BRIP1: variants seen among roughly 807,000 people sequenced by gnomAD.
BRIP1 encodes BRCA1 interacting DNA helicase 1.
A neutral mutation model predicts 119.7 loss-of-function variants in BRIP1; 88 were observed. That is an observed-to-expected ratio of 0.74 (90% confidence interval 0.62 to 0.88). The LOEUF is 0.88. Ranked by LOEUF, BRIP1 falls within the 40% of genes least tolerant of loss-of-function variation. The pLI, the probability that BRIP1 is intolerant of heterozygous loss-of-function variation, is 0.00. For synonymous variants in BRIP1, 443 were observed against 496.5 expected, an observed-to-expected ratio of 0.89 and a Z score of 1.43; for missense variants, 1,259 against 1,455.4, an observed-to-expected ratio of 0.87 and a Z score of 2.20.
In BRIP1 at chr17:61,765,382, TATATATATATATATATATATATATA is replaced by T. The variant is rs2077342082; in HGVS notation, c.2097+10994_2097+11018del. ...TGTGTGTGTGTGTGTGTATATATTA[TATATATATATATATATATATATATA>T]TATATATATATATATATTTTTTTTT... On this transcript the variant is annotated intron_variant, in intron 14 of 19. Coordinates refer to ENST00000259008, the MANE Select transcript of BRIP1 (RefSeq NM_032043.3). Among the ~76,000 whole-genome samples the T allele has an allele frequency of 1.1e-3, 20 of 18,324 alleles. 1 individual carries two copies. The South Asian group carries it at 0.013, about 12-fold the overall frequency. 12.0% of individuals were successfully genotyped at this position (18,324 alleles called of 152,430 possible). A position where few individuals can be genotyped will look rare whatever the true frequency, so the allele number is the denominator to read the frequency against.
Position 61,701,633 on chromosome 17 carries a change from C to T in BRIP1, c.2493-8121G>A, listed in dbSNP as rs1385339230. On this transcript the variant is annotated intron_variant, in intron 17 of 19. Coordinates refer to ENST00000259008, the MANE Select transcript of BRIP1 (RefSeq NM_032043.3). This position sits in a 1 kb window ranked among gnomAD's most constrained non-coding sequence, Gnocchi z 5.1. ...CTCTCCTACACATATGCATGGCCCA[C>T]TAAAATCCCAGGAATATGTCAGAAC... is the stretch of plus-strand genomic sequence containing the variant. 1.3e-5 allele frequency among the ~76,000 whole-genome samples: 2 copies of T among 152,220 alleles called. No homozygotes were observed. The highest frequency in any genetic ancestry group is 2.9e-5 in the Non-Finnish European group (2 of 68,034).
At position 61,693,686 on chromosome 17, in the gene BRIP1, T is replaced by A. The variant is rs1195073494; in HGVS notation, c.2493-174A>T. On this transcript the variant is annotated intron_variant, in intron 17 of 19. Coordinates refer to ENST00000259008, the MANE Select transcript of BRIP1 (RefSeq NM_032043.3). The surrounding 1 kb of genome is among the most constrained non-coding windows in gnomAD (Gnocchi z 4.2). ...AACACAATGTAACAAACTAGATGTA[T>A]TAAAAATTCCCTACTTTTTCCAAAT... 6.6e-6 allele frequency among the ~76,000 whole-genome samples: 1 copy of A among 152,186 alleles called. No individual in the cohort carries two copies. Among genetic ancestry groups the A allele is most frequent in the African/African-American group, 2.4e-5 (1 of 41,466 alleles).
chr17:61,827,096 A>AG lies in BRIP1; in HGVS notation c.628-18340_628-18339insC, dbSNP rs2078420987. ...CTGTGGAATACTATGTAGCCATAAA[A>AG]AAAATGAGACTGTGTCCTTTACAGA... On this transcript the variant is annotated intron_variant, in intron 6 of 19. Coordinates refer to ENST00000259008, the MANE Select transcript of BRIP1 (RefSeq NM_032043.3). This position sits in a 1 kb window ranked among gnomAD's most constrained non-coding sequence, Gnocchi z 5.8. Among the ~76,000 whole-genome samples the AG allele has an allele frequency of 6.6e-6, 1 of 151,780 alleles. No individual in the cohort carries two copies. The highest frequency in any genetic ancestry group is 2.4e-5 in the African/African-American group (1 of 41,284).
At position 61,852,022 on chromosome 17, in the gene BRIP1, G is replaced by A. The variant is rs1292520732; in HGVS notation, c.380-2766C>T. Among the ~76,000 whole-genome samples the A allele has an allele frequency of 2.0e-5, 3 of 152,140 alleles. No homozygotes were observed. The highest frequency in any genetic ancestry group is 7.2e-5 in the African/African-American group (3 of 41,440). ...CAAGGGAGAGCTCCTACAACAAAGA[G>A]TTATCCCACTCAAAATGTTAATAGT... On this transcript the variant is annotated intron_variant, in intron 4 of 19. Transcript: ENST00000259008. The surrounding 1 kb of genome is among the most constrained non-coding windows in gnomAD (Gnocchi z 4.9).
rs954290869 is a variant in BRIP1 at position 61,842,064 on chromosome 17, A to G, written c.627+5037T>C. 1.3e-5 allele frequency among the ~76,000 whole-genome samples: 2 copies of G among 152,238 alleles called. No homozygotes were observed. Among genetic ancestry groups the G allele is most frequent in the African/African-American group, 4.8e-5 (2 of 41,480 alleles). On this transcript the variant is annotated intron_variant, in intron 6 of 19. Coordinates refer to ENST00000259008, the MANE Select transcript of BRIP1 (RefSeq NM_032043.3). This position sits in a 1 kb window ranked among gnomAD's most constrained non-coding sequence, Gnocchi z 5.1. ...TGTCCATCAACAGATGAATGGATAA[A>G]GAAAATGTGACACATATACACAATG...
chr17:61,840,118 G>C (rs1425505254), intron 6 of BRIP1, among the ~76,000 whole-genome samples: 1 of 152,076 alleles, frequency 6.6e-6, no homozygotes, highest in Admixed American at 6.5e-5. Context: ...CAGCACTTTG[G>C]GAGGCCGAGG....
intron 5 of BRIP1, 118 bp downstream of exon 5, chr17:61,849,011 A>C: frequency 9.0e-7 from 1 of 1,106,154 alleles, no homozygotes; most frequent in Non-Finnish European, 1.3e-6. Flanking sequence ...ACAAATTATT[A>C]ATTTATGGCT....
chr17:61,760,316 G>A lies in BRIP1; in HGVS notation c.2098-15725C>T, dbSNP rs947314255. ...CAGCAAACGTAGTCCTAAGAGGAAA[G>A]TTTACAATAACAAATGCCTACATCA... is the stretch of plus-strand genomic sequence containing the variant. On this transcript the variant is annotated intron_variant, in intron 14 of 19. Coordinates refer to ENST00000259008, the MANE Select transcript of BRIP1 (RefSeq NM_032043.3). The surrounding 1 kb of genome is among the most constrained non-coding windows in gnomAD (Gnocchi z 4.6). 6.6e-6 allele frequency among the ~76,000 whole-genome samples: 1 copy of A among 151,806 alleles called. No individual in the cohort carries two copies. The highest frequency in any genetic ancestry group is 2.4e-5 in the African/African-American group (1 of 41,410).
intron 16 of BRIP1, among the ~76,000 whole-genome samples, chr17:61,737,316 G>A (rs757682917): frequency 3.9e-5 from 6 of 152,002 alleles, no homozygotes; most frequent in Non-Finnish European, 5.9e-5. Context: ...CCAACTATAC[G>A]CTGTAAATAA....
chr17:61,737,776 C>G (rs1482267660), intron 16 of BRIP1, among the ~76,000 whole-genome samples: 1 of 152,160 alleles, frequency 6.6e-6, no homozygotes, highest in Non-Finnish European at 1.5e-5. Context: ...TTGTAACACA[C>G]CAGTCTTATA....
In BRIP1 at chr17:61,804,685, T is replaced by C. The variant is rs2078047345; in HGVS notation, c.919-3211A>G. ...AGGCATGAGCATCATGCCCGGCCAATGTATTTTTTACAAATACATAATAAT... is the reference window on the plus strand; with the variant it reads ...AGGCATGAGCATCATGCCCGGCCAACGTATTTTTTACAAATACATAATAAT... On this transcript the variant is annotated intron_variant, in intron 7 of 19. Coordinates refer to ENST00000259008, the MANE Select transcript of BRIP1 (RefSeq NM_032043.3). The surrounding 1 kb of genome is among the most constrained non-coding windows in gnomAD (Gnocchi z 4.5). Among the ~76,000 whole-genome samples, 1 of 152,020 alleles carries C rather than the reference T, an allele frequency of 6.6e-6. No individual in the cohort carries two copies. Among genetic ancestry groups the C allele is most frequent in the Non-Finnish European group, 1.5e-5 (1 of 67,982 alleles).
chr17:61,777,088 G>C (rs922708469), intron 13 of BRIP1, among the ~76,000 whole-genome samples: 1 of 152,152 alleles, frequency 6.6e-6, no homozygotes, highest in African/African-American at 2.4e-5. Flanking sequence ...CTTATATGTA[G>C]AGAGAGGGAG....
chr17:61,822,116 A>G lies in BRIP1; in HGVS notation c.628-13359T>C, dbSNP rs1225867469. ...TTTTTGATGTGAAAAATATAAATTA[A>G]TGAATGAAATGTCTTCCCTATAAGC... is the stretch of plus-strand genomic sequence containing the variant. On this transcript the variant is annotated intron_variant, in intron 6 of 19. Transcript: ENST00000259008. The surrounding 1 kb of genome is among the most constrained non-coding windows in gnomAD (Gnocchi z 4.4). Among the ~76,000 whole-genome samples, 1 of 152,190 alleles carries G rather than the reference A, an allele frequency of 6.6e-6. No individual in the cohort carries two copies. The highest frequency in any genetic ancestry group is 2.4e-5 in the African/African-American group (1 of 41,446).
At chr17:61,801,609 G>A in intron 7 of BRIP1, 135 bp from the exon 8 acceptor site, 1 of 812,940 alleles carries the variant, frequency 1.2e-6, no homozygotes, top group Non-Finnish European at 2.0e-6. Context: ...ACCACACCTG[G>A]CTAATTTTTT....
At chr17:61,791,424 G>A (rs1185554156) in intron 10 of BRIP1, among the ~76,000 whole-genome samples, 5 of 141,070 alleles carry the variant, frequency 3.5e-5, no homozygotes, top group Non-Finnish European at 7.6e-5. Flanking sequence ...GAGAGGCAGA[G>A]GTTGCAGTGA....
rs959190989 is a variant in BRIP1 at position 61,740,043 on chromosome 17, A to G, written c.2379+2970T>C. On this transcript the variant is annotated intron_variant, in intron 16 of 19. Transcript: ENST00000259008. This position sits in a 1 kb window ranked among gnomAD's most constrained non-coding sequence, Gnocchi z 5.4. Reference sequence around the variant, plus strand: ...TCAGGTAGTAGACACCAAACAGCACAAGACAGTAATTCTGGAGCTAAGTGG... The same window carrying G: ...TCAGGTAGTAGACACCAAACAGCACGAGACAGTAATTCTGGAGCTAAGTGG... Among the ~76,000 whole-genome samples the G allele has an allele frequency of 6.6e-6, 1 of 152,190 alleles. No homozygotes were observed. The highest frequency in any genetic ancestry group is 6.5e-5 in the Admixed American group (1 of 15,280).
chr17:61,806,558 A>C lies in BRIP1; in HGVS notation c.918+1909T>G, dbSNP rs1181095829. On this transcript the variant is annotated intron_variant, in intron 7 of 19. Coordinates refer to ENST00000259008, the MANE Select transcript of BRIP1 (RefSeq NM_032043.3). The surrounding 1 kb of genome is among the most constrained non-coding windows in gnomAD (Gnocchi z 4.9). ...TCCTTTTTATTTTTACATGATTCAAACTTATGAGTAAAGATCAATAAAAAC... is the reference window on the plus strand; with the variant it reads ...TCCTTTTTATTTTTACATGATTCAACCTTATGAGTAAAGATCAATAAAAAC... 1.3e-5 allele frequency among the ~76,000 whole-genome samples: 2 copies of C among 152,234 alleles called. No individual in the cohort carries two copies. The highest frequency in any genetic ancestry group is 4.8e-5 in the African/African-American group (2 of 41,458).
In BRIP1 at chr17:61,722,004, C is replaced by T. The variant is rs2061987185; in HGVS notation, c.2380-5941G>A. On this transcript the variant is annotated intron_variant, in intron 16 of 19. Coordinates refer to ENST00000259008, the MANE Select transcript of BRIP1 (RefSeq NM_032043.3). The surrounding 1 kb of genome is among the most constrained non-coding windows in gnomAD (Gnocchi z 4.6). ...TCAACCTCCCAAAGTGCTGGGATTA[C>T]AGGTGTGAGCCACCACGCCTAGCCA... 6.6e-6 allele frequency among the ~76,000 whole-genome samples: 1 copy of T among 151,082 alleles called. No individual in the cohort carries two copies. Among genetic ancestry groups the T allele is most frequent in the Non-Finnish European group, 1.5e-5 (1 of 67,934 alleles).
At chr17:61,711,385 CA>C (rs796791917) in intron 17 of BRIP1, among the ~76,000 whole-genome samples, 68 of 147,784 alleles carry the variant, frequency 4.6e-4, no homozygotes, top group African/African-American at 1.3e-3. Flanking sequence ...TATTAAAATT[CA>C]AAAAAAAAAT....
Sources: allele counts gnomAD v4.1 joint callset (sites outside exome capture counted in the v4.1 genomes callset), GRCh38; gene constraint gnomAD v4.1.1; non-coding constraint Gnocchi (gnomAD v3.1); transcripts MANE v1.5; gene names NCBI Gene and HGNC (gene_info 2026-07-23, HGNC 2026-07-21).